BRINP1: variants seen among roughly 807,000 people sequenced by gnomAD.
BRINP1 encodes the protein BMP/retinoic acid-inducible neural-specific protein 1.
BRINP1 carries 17 observed loss-of-function variants against 72.9 expected under a neutral mutation model. The ratio of observed to expected loss-of-function variants is 0.23; its 90% CI spans 0.16 to 0.35. The LOEUF (loss-of-function observed/expected upper bound fraction) is 0.35. BRINP1 is among the 10% of genes least tolerant of loss of function. BRINP1 has a pLI of 1.00. For missense variants in BRINP1, 850 were observed against 1,001.6 expected, an observed-to-expected ratio of 0.85 and a Z score of 2.04; for synonymous variants, 418 against 378.5, an observed-to-expected ratio of 1.10 and a Z score of -1.21.
intron 7 of BRINP1, among the ~76,000 whole-genome samples, chr9:119,199,009 C>G (rs1191719319): frequency 6.6e-6 from 1 of 152,048 alleles, no homozygotes; most frequent in Non-Finnish European, 1.5e-5. Flanking sequence ...TATTTCTTTA[C>G]AAGTTATGAA....
intron 7 of BRINP1, among the ~76,000 whole-genome samples, chr9:119,194,724 C>A (rs950952485): frequency 2.6e-5 from 4 of 152,140 alleles, no homozygotes; most frequent in African/African-American, 9.7e-5. Context: ...GTCCTACAAC[C>A]ACAAGAAACT....
chr9:119,245,296 A>G (rs1408164373), intron 3 of BRINP1, among the ~76,000 whole-genome samples: 2 of 152,156 alleles, frequency 1.3e-5, no homozygotes, highest in African/African-American at 4.8e-5. Flanking sequence ...GTATAAATTA[A>G]CTCATATCTA....
At chr9:119,299,643 T>C (rs1313625661) in intron 2 of BRINP1, among the ~76,000 whole-genome samples, 2 of 151,384 alleles carry the variant, frequency 1.3e-5, no homozygotes, top group East Asian at 1.9e-4. Context: ...TGAGTACATG[T>C]GGTTATATGT....
chr9:119,208,125 C>T (rs1234612915), intron 7 of BRINP1, among the ~76,000 whole-genome samples: 3 of 152,068 alleles, frequency 2.0e-5, no homozygotes, highest in Non-Finnish European at 4.4e-5. Flanking sequence ...GCAGAATACC[C>T]GGTATATCCA....
chr9:119,195,363 G>T (rs1398341618), intron 7 of BRINP1, among the ~76,000 whole-genome samples: 1 of 152,190 alleles, frequency 6.6e-6, no homozygotes, highest in Admixed American at 6.5e-5. Context: ...GCCTATGTAG[G>T]ATGGCAACAG....
Position 119,167,311 on chromosome 9 carries a change from A to G in BRINP1, c.2059T>C (p.Tyr687His), listed in dbSNP as rs1829327830. Residue 687 changes from tyrosine (Y) to histidine (H), a missense_variant, in exon 8 of 8, where the codon TAT becomes CAT. Coordinates refer to ENST00000265922, the MANE Select transcript of BRINP1 (RefSeq NM_014618.3). This position sits in a 1 kb window ranked among gnomAD's most constrained non-coding sequence, Gnocchi z 4.3. ...NQSYTQGGQFYSSSSVMLLLL... is the reference protein window; with the variant it reads ...NQSYTQGGQFHSSSSVMLLLL... ...AGGAGCATCACTGACGAAGAGGAAT[A>G]GAACTGGCCGCCCTGTGTGTAGGAC... 6.2e-7 allele frequency: 1 copy of G among 1,614,154 alleles called. No homozygotes were observed. The highest frequency in any genetic ancestry group is 1.1e-5 in the South Asian group (1 of 91,088).
intron 5 of BRINP1, among the ~76,000 whole-genome samples, chr9:119,220,982 C>T (rs898781840): frequency 2.0e-5 from 3 of 152,076 alleles, no homozygotes; most frequent in African/African-American, 4.8e-5. Context: ...TTGTTTTATT[C>T]TATATCCTAA....
At chr9:119,243,946 G>A (rs953704340) in intron 3 of BRINP1, among the ~76,000 whole-genome samples, 1 of 152,170 alleles carries the variant, frequency 6.6e-6, no homozygotes, top group Non-Finnish European at 1.5e-5. Context: ...AGATAATGTG[G>A]ACCACAAGGC....
chr9:119,248,898 C>CTCCCT, intron 3 of BRINP1, 62 bp downstream of exon 3: 3 of 1,436,776 alleles, frequency 2.1e-6, no homozygotes, highest in Non-Finnish European at 2.9e-6. Context: ...ACATCCCACT[C>CTCCCT]TCCCTTCCCA....
At chr9:119,286,143 C>T (rs1830758629) in intron 2 of BRINP1, among the ~76,000 whole-genome samples, 1 of 152,038 alleles carries the variant, frequency 6.6e-6, no homozygotes, top group Non-Finnish European at 1.5e-5. Context: ...TTTGTCATTG[C>T]CAACATGAAT....
intron 1 of BRINP1, among the ~76,000 whole-genome samples, chr9:119,354,445 C>G (rs1262346157): frequency 6.6e-5 from 10 of 152,162 alleles, no homozygotes; most frequent in Admixed American, 5.9e-4. Flanking sequence ...CAGATCCAGG[C>G]TCACCTGCTC....
chr9:119,231,888 T>C (rs1252200224), intron 5 of BRINP1, among the ~76,000 whole-genome samples: 1 of 152,028 alleles, frequency 6.6e-6, no homozygotes, highest in South Asian at 2.1e-4. Flanking sequence ...ATCTACCCTC[T>C]CTCCCAAAGT....
intron 1 of BRINP1, among the ~76,000 whole-genome samples, chr9:119,358,266 C>T (rs1178397281): frequency 2.0e-5 from 3 of 151,916 alleles, no homozygotes; most frequent in Non-Finnish European, 4.4e-5. Flanking sequence ...CCCATATGCA[C>T]CTGATGAATA....
intron 2 of BRINP1, among the ~76,000 whole-genome samples, chr9:119,257,923 A>T (rs192908839): frequency 6.8e-4 from 103 of 152,274 alleles, no homozygotes; most frequent in African/African-American, 2.3e-3. Context: ...GCTGAGAAAC[A>T]GCCACATCCA....
intron 2 of BRINP1, among the ~76,000 whole-genome samples, chr9:119,309,890 C>A (rs775101789): frequency 1.3e-5 from 2 of 151,988 alleles, no homozygotes; most frequent in African/African-American, 4.8e-5. Flanking sequence ...AACAGTAGTA[C>A]AATTTATGGA....
At chr9:119,323,500 C>T (rs1274705924) in intron 1 of BRINP1, among the ~76,000 whole-genome samples, 1 of 152,114 alleles carries the variant, frequency 6.6e-6, no homozygotes, top group African/African-American at 2.4e-5. Flanking sequence ...GAATAATCTC[C>T]CTGCCATGTA....
intron 2 of BRINP1, chr9:119,282,846 A>G: frequency 1.0e-6 from 1 of 985,268 alleles, no homozygotes; most frequent in Non-Finnish European, 1.2e-6. Context: ...GTGGAGAGAC[A>G]GCAGTGATAG....
At chr9:119,209,787 T>G (rs887905172) in intron 6 of BRINP1, among the ~76,000 whole-genome samples, 3 of 152,210 alleles carry the variant, frequency 2.0e-5, no homozygotes, top group African/African-American at 7.2e-5. Context: ...GTTAAAGGCA[T>G]GCTAGCACCA....
chr9:119,283,287 T>C (rs1053932879), intron 2 of BRINP1: 24 of 646,398 alleles, frequency 3.7e-5, no homozygotes, highest in Non-Finnish European at 4.6e-5. Flanking sequence ...ATGCAAAATC[T>C]CCAGCCCTGC....
Sources: allele counts gnomAD v4.1 joint callset (sites outside exome capture counted in the v4.1 genomes callset), GRCh38; gene constraint gnomAD v4.1.1; non-coding constraint Gnocchi (gnomAD v3.1); transcripts MANE v1.5; gene names NCBI Gene and HGNC (gene_info 2026-07-23, HGNC 2026-07-21).